Variants in HYDIN observed in about 807,000 individuals in gnomAD.
HYDIN encodes the protein HYDIN axonemal central pair apparatus protein, also known as axonemal central pair apparatus protein HYDIN.
HYDIN carries 132 observed loss-of-function variants against 403.9 expected under a neutral mutation model. The ratio of observed to expected loss-of-function variants is 0.33; its 90% CI spans 0.28 to 0.38. HYDIN has a LOEUF of 0.38. Ranked by LOEUF, HYDIN falls within the 10% of genes least tolerant of loss-of-function variation. HYDIN has a pLI of 1.00. For missense variants in HYDIN, 2,827 were observed against 5,009.5 expected, an observed-to-expected ratio of 0.56 and a Z score of 13.15; for synonymous variants, 1,202 against 1,891.7, an observed-to-expected ratio of 0.64 and a Z score of 9.46.
intron 1 of HYDIN, among the ~76,000 whole-genome samples, chr16:71,224,649 C>T (rs2040953297): frequency 6.7e-6 from 1 of 148,260 alleles, no homozygotes; most frequent in African/African-American, 2.5e-5. Context: ...GCAAGCTCCG[C>T]CTCCCGGGTT....
At chr16:71,203,897 T>C (rs2088157099) in intron 1 of HYDIN, 1 of 441,548 alleles carries the variant, frequency 2.3e-6, no homozygotes, top group Admixed American at 2.5e-5. Context: ...AAACCCCATC[T>C]CTACAAAAAA....
At position 70,802,241 on chromosome 16, in the gene HYDIN, G is replaced by A. The variant is rs112395744; in HGVS notation, c.*5339C>T. ...TGACCTCCAATATTCCCACCCCTTC[G>A]TGTTCATGCCCTGTATTATGCCCTC... On this transcript the variant is annotated 3_prime_UTR_variant, in exon 86 of 86. Transcript: ENST00000393567. 7.9e-5 allele frequency: 12 copies of A among 152,236 alleles called. 1 individual carries two copies. The highest frequency in any genetic ancestry group is 2.4e-4 in the African/African-American group (10 of 41,544). 9.4% of individuals were successfully genotyped at this position (152,236 alleles called of 1,614,324 possible). A position where few individuals can be genotyped will look rare whatever the true frequency, so the allele number is the denominator to read the frequency against.
chr16:71,172,994 G>C (rs893136205), intron 5 of HYDIN, among the ~76,000 whole-genome samples: 1 of 152,186 alleles, frequency 6.6e-6, no homozygotes, highest in Non-Finnish European at 1.5e-5. Context: ...GTCATTCTGC[G>C]CACTGCCCTG....
chr16:71,066,176 T>C (rs1212407328), intron 15 of HYDIN, among the ~76,000 whole-genome samples: 2 of 151,850 alleles, frequency 1.3e-5, no homozygotes, highest in African/African-American at 2.4e-5. Flanking sequence ...AGAAAGTATC[T>C]GAATAAGCCT....
At chr16:71,069,138 C>G (rs1466187126) in intron 14 of HYDIN, 129 bp downstream of exon 14, 1 of 857,832 alleles carries the variant, frequency 1.2e-6, no homozygotes, top group Non-Finnish European at 1.8e-6. Context: ...GCCCACGTTT[C>G]CCTGTAAATT....
At position 70,868,630 on chromosome 16, in the gene HYDIN, G is replaced by C. The variant is rs2039918354; in HGVS notation, c.11250C>G (p.His3750Gln). ...TGGGTACGTCCACCCACTTGACTGT[G>C]TGCATGCGGTCATCCCAGTCGGGGA... The part of the protein sequence containing the change: ...DQVPDWDDRM[H>Q]TVKWVDVPRN... Residue 3750 changes from histidine (H) to glutamine (Q), a missense_variant, in exon 66 of 86, where the codon CAC (histidine) becomes CAG (glutamine). His to Gln is a conservative substitution (Grantham distance 24, BLOSUM62 0). Transcript: ENST00000393567. 1 of 1,613,894 alleles carries C rather than the reference G, an allele frequency of 6.2e-7. No homozygotes were observed. The highest frequency in any genetic ancestry group is 8.5e-7 in the Non-Finnish European group (1 of 1,180,008).
intron 18 of HYDIN, among the ~76,000 whole-genome samples, chr16:71,039,635 A>G (rs950968080): frequency 1.3e-5 from 2 of 152,188 alleles, no homozygotes; most frequent in African/African-American, 2.4e-5. Flanking sequence ...CTTTGATGGC[A>G]TAACTTCAGA....
At position 70,862,111 on chromosome 16, in the gene HYDIN, T is replaced by A; in HGVS notation, c.11714A>T (p.Gln3905Leu). The A allele has an allele frequency of 1.2e-6, 2 of 1,612,310 alleles. No homozygotes were observed. The highest frequency in any genetic ancestry group is 1.7e-6 in the Non-Finnish European group (2 of 1,179,242). The change falls in exon 69 of 86, where the codon CAG (glutamine) becomes CTG (leucine). Residue 3905 changes from glutamine to leucine, a missense_variant. By Grantham distance (113) the Gln-to-Leu change is moderately radical. Transcript: ENST00000393567. ...CGGGGAGAATTTTACTTTGAACTTC[T>A]GAATCTTCCCCACCGGCACGATTCC... is the stretch of plus-strand genomic sequence containing the variant. ...SSGIVPVGKI[Q>L]KFKVKFSPLD... is the part of the protein sequence containing the mutation.
chr16:71,135,291 T>A (rs2084873345), intron 8 of HYDIN, among the ~76,000 whole-genome samples: 1 of 151,806 alleles, frequency 6.6e-6, no homozygotes, highest in Admixed American at 6.6e-5. Context: ...GGTGTGAGTG[T>A]CAGGGGAGGT....
Position 71,230,576 on chromosome 16 carries a change from G to C in HYDIN, c.-38C>G. 1 of 1,535,512 alleles carries C rather than the reference G, an allele frequency of 6.5e-7. No homozygotes were observed. The highest frequency in any genetic ancestry group is 8.7e-7 in the Non-Finnish European group (1 of 1,146,590). The stretch of plus-strand genomic sequence containing the variant: ...GGACCTCTGACCTTGGTGCACTCCG[G>C]GTCCCACGTTTATTCTACCTCCATT... On this transcript the variant is annotated 5_prime_UTR_variant, in exon 1 of 86. Coordinates refer to ENST00000393567, the MANE Select transcript of HYDIN (RefSeq NM_001270974.2).
chr16:71,210,758 G>T (rs751002100), intron 1 of HYDIN, among the ~76,000 whole-genome samples: 1 of 152,236 alleles, frequency 6.6e-6, no homozygotes, highest in East Asian at 1.9e-4. Flanking sequence ...CACTCATTTA[G>T]ATGAAATGAA....
intron 13 of HYDIN, 131 bp downstream of exon 13, chr16:71,079,754 G>T: frequency 3.7e-6 from 2 of 539,682 alleles, no homozygotes. Context: ...TAGGGCACAT[G>T]TTCTGAATGT....
At chr16:70,938,357 C>A (rs1185083611) in intron 44 of HYDIN, among the ~76,000 whole-genome samples, 1 of 152,234 alleles carries the variant, frequency 6.6e-6, no homozygotes, top group East Asian at 1.9e-4. Context: ...CCAGGGCCAC[C>A]CATGACATTA....
chr16:71,161,698 C>T (rs1467439674), intron 6 of HYDIN, among the ~76,000 whole-genome samples: 3 of 151,790 alleles, frequency 2.0e-5, no homozygotes, highest in Non-Finnish European at 2.9e-5. Flanking sequence ...AGGATTATCT[C>T]CCAATTTTAA....
At chr16:71,200,467 C>T (rs2087941712) in intron 1 of HYDIN, among the ~76,000 whole-genome samples, 1 of 152,142 alleles carries the variant, frequency 6.6e-6, no homozygotes, top group African/African-American at 2.4e-5. Flanking sequence ...CTGGATCATC[C>T]ATTCATGCCA....
intron 1 of HYDIN, among the ~76,000 whole-genome samples, chr16:71,202,693 T>C (rs1429305236): frequency 6.6e-6 from 1 of 152,236 alleles, no homozygotes. Context: ...ATATAATGAA[T>C]TTAGTAGATC....
At chr16:71,074,129 T>C (rs1401508092) in intron 13 of HYDIN, among the ~76,000 whole-genome samples, 3 of 152,166 alleles carry the variant, frequency 2.0e-5, no homozygotes, top group Admixed American at 6.5e-5. Flanking sequence ...GATAATACTG[T>C]CAACTTTAGT....
At chr16:70,996,188 T>G (rs2079526875) in intron 23 of HYDIN, among the ~76,000 whole-genome samples, 1 of 152,158 alleles carries the variant, frequency 6.6e-6, no homozygotes, top group Non-Finnish European at 1.5e-5. Context: ...CCTAGTTTTC[T>G]TCTGGCCCTA....
intron 43 of HYDIN, among the ~76,000 whole-genome samples, chr16:70,940,878 C>A (rs1484577230): frequency 6.6e-6 from 1 of 152,248 alleles, no homozygotes; most frequent in Admixed American, 6.5e-5. Context: ...GGAGCCGAAG[C>A]TCCTGGGAGG....
Sources: gnomAD v4.1 joint callset for allele counts (sites outside exome capture counted in the v4.1 genomes callset) on GRCh38, gnomAD v4.1.1 for gene constraint, MANE v1.5 for transcripts, NCBI Gene and HGNC (gene_info 2026-07-23, HGNC 2026-07-21) for gene names.